SH3PXD2A: variants seen among roughly 807,000 people sequenced by gnomAD.
SH3PXD2A encodes SH3 and PX domains 2A, also known as SH3 and PX domain-containing protein 2A.
A neutral mutation model predicts 115.2 loss-of-function variants in SH3PXD2A; 32 were observed. The observed-to-expected ratio is 0.28, with a 90% CI of 0.21 to 0.37. The LOEUF is 0.37. Among genes scored for constraint, SH3PXD2A ranks in the 10% least tolerant of loss-of-function variants. The pLI is 1.00. For missense variants in SH3PXD2A, 1,328 were observed against 1,498.7 expected, an observed-to-expected ratio of 0.89 and a Z score of 1.88; for synonymous variants, 610 against 629.1, an observed-to-expected ratio of 0.97 and a Z score of 0.45.
chr10:103,780,796 G>A (rs1000296676), intron 2 of SH3PXD2A, among the ~76,000 whole-genome samples: 18 of 152,246 alleles, frequency 1.2e-4, no homozygotes, highest in Non-Finnish European at 4.4e-5. Context: ...TCCAGGCAAG[G>A]AGAGTGCTAA....
At chr10:103,791,505 T>C (rs558049491) in intron 2 of SH3PXD2A, among the ~76,000 whole-genome samples, 169 of 152,326 alleles carry the variant, frequency 1.1e-3, no homozygotes, top group Non-Finnish European at 2.0e-3. Flanking sequence ...GCTCTCTTGA[T>C]GTCCACAGGC....
In SH3PXD2A at chr10:103,832,194, T is replaced by C. The variant is rs369183393; in HGVS notation, c.72+23001A>G. Reference sequence around the variant, plus strand: ...AGGCAGTATGAGCAAGAAATAGAATTTGGGGGCTGTTTGTTCCTGTAACTT... The same window carrying C: ...AGGCAGTATGAGCAAGAAATAGAATCTGGGGGCTGTTTGTTCCTGTAACTT... On this transcript the variant is annotated intron_variant, in intron 1 of 14. Coordinates refer to ENST00000369774, the MANE Select transcript of SH3PXD2A (RefSeq NM_001394015.1). Among the ~76,000 whole-genome samples the C allele has an allele frequency of 2.3e-4, 35 of 151,940 alleles. 1 individual carries two copies. The highest frequency in any genetic ancestry group is 8.0e-4 in the African/African-American group (33 of 41,392).
At position 103,818,069 on chromosome 10, in the gene SH3PXD2A, T is replaced by C. The variant is rs137964536; in HGVS notation, c.73-16707A>G. ...CACTTCAAATGGTTGCATTGTATGA[T>C]ATGAATTCCATTTCAGCAAAGCTAT... is the stretch of plus-strand genomic sequence containing the variant. On this transcript the variant is annotated intron_variant, in intron 1 of 14. Coordinates refer to ENST00000369774, the MANE Select transcript of SH3PXD2A (RefSeq NM_001394015.1). 6.6e-5 allele frequency among the ~76,000 whole-genome samples: 10 copies of C among 152,376 alleles called. No individual in the cohort carries two copies. The East Asian group carries it at 1.3e-3, about 21-fold the overall frequency.
chr10:103,752,603 C>G (rs1254319820), intron 3 of SH3PXD2A, among the ~76,000 whole-genome samples: 1 of 152,172 alleles, frequency 6.6e-6, no homozygotes, highest in Non-Finnish European at 1.5e-5. Flanking sequence ...CAGAGTTCCT[C>G]CCTCACCAAG....
At position 103,603,154 on chromosome 10, in the gene SH3PXD2A, G is replaced by T; in HGVS notation, c.2064C>A (p.Ala688=). ...QAEMGKNHSS[A]SFSSSITINT... ...TGATGGTGATGGATGAGGAAAAGGAGGCTGAGGAGTGGTTCTTCCCCATTT... is the reference window on the plus strand; with the variant it reads ...TGATGGTGATGGATGAGGAAAAGGATGCTGAGGAGTGGTTCTTCCCCATTT... Residue 688 remains alanine (A), a synonymous_variant, in exon 15 of 15, where the codon GCC becomes GCA. Coordinates refer to ENST00000369774, the MANE Select transcript of SH3PXD2A (RefSeq NM_001394015.1). 6.2e-7 allele frequency: 1 copy of T among 1,613,794 alleles called. No homozygotes were observed.
intron 4 of SH3PXD2A, among the ~76,000 whole-genome samples, chr10:103,727,809 G>A (rs1252085891): frequency 6.6e-6 from 1 of 152,216 alleles, no homozygotes; most frequent in Non-Finnish European, 1.5e-5. Context: ...CCGCGTGGAG[G>A]GCTCGTCCTG....
chr10:103,745,440 C>T (rs534289250), intron 3 of SH3PXD2A, among the ~76,000 whole-genome samples: 102 of 152,328 alleles, frequency 6.7e-4, no homozygotes, highest in African/African-American at 2.2e-3. Context: ...ATAACCTATT[C>T]GAATGCTAGT....
intron 6 of SH3PXD2A, among the ~76,000 whole-genome samples, chr10:103,672,758 G>A (rs1272132542): frequency 6.6e-6 from 1 of 152,212 alleles, no homozygotes; most frequent in Non-Finnish European, 1.5e-5. Flanking sequence ...TGGAGGGCTG[G>A]GAATTAGGCC....
chr10:103,778,595 T>C lies in SH3PXD2A; in HGVS notation c.154-11426A>G, dbSNP rs1215801137. Reference sequence around the variant, plus strand: ...GAGTAGAAACAGCGCCCCATGGCACTGTGCGGATGAAATGAGAATACAGGT... The same window carrying C: ...GAGTAGAAACAGCGCCCCATGGCACCGTGCGGATGAAATGAGAATACAGGT... On this transcript the variant is annotated intron_variant, in intron 2 of 14. Coordinates refer to ENST00000369774, the MANE Select transcript of SH3PXD2A (RefSeq NM_001394015.1). 2.0e-5 allele frequency among the ~76,000 whole-genome samples: 3 copies of C among 152,232 alleles called. 1 individual carries two copies. The highest frequency in any genetic ancestry group is 1.3e-4 in the Admixed American group (2 of 15,286).
chr10:103,800,745 C>G (rs1173071001), intron 2 of SH3PXD2A, among the ~76,000 whole-genome samples: 1 of 152,200 alleles, frequency 6.6e-6, no homozygotes, highest in African/African-American at 2.4e-5. Flanking sequence ...TGTGAACATG[C>G]CTTTGTGTCT....
intron 13 of SH3PXD2A, chr10:103,609,658 C>T (rs1294481811): frequency 6.6e-6 from 1 of 152,210 alleles, no homozygotes; most frequent in Non-Finnish European, 1.5e-5. Flanking sequence ...TGGACAACCC[C>T]CTGCCCTTGT....
At chr10:103,702,446 G>A (rs1385944700) in intron 5 of SH3PXD2A, among the ~76,000 whole-genome samples, 1 of 152,206 alleles carries the variant, frequency 6.6e-6, no homozygotes, top group East Asian at 1.9e-4. Flanking sequence ...GGGTGGTCAG[G>A]GAGGGCTATG....
chr10:103,792,912 A>G (rs2039048760), intron 2 of SH3PXD2A, among the ~76,000 whole-genome samples: 1 of 152,170 alleles, frequency 6.6e-6, no homozygotes, highest in East Asian at 1.9e-4. Context: ...AATGATCTAG[A>G]ATGATGGTCC....
intron 10 of SH3PXD2A, among the ~76,000 whole-genome samples, chr10:103,617,685 C>G (rs921102212): frequency 2.0e-5 from 3 of 152,196 alleles, no homozygotes; most frequent in Admixed American, 1.3e-4. Context: ...GAAGCCGGCC[C>G]CTCATGAGGT....
rs1248676872 is a variant in SH3PXD2A at position 103,665,076 on chromosome 10, C to T, written c.472+3532G>A. Among the ~76,000 whole-genome samples the T allele has an allele frequency of 6.6e-6, 1 of 152,150 alleles. No individual in the cohort carries two copies. Among genetic ancestry groups the T allele is most frequent in the Non-Finnish European group, 1.5e-5 (1 of 68,032 alleles). ...AAGTGTGAAATGAACCAGTGAAACG[C>T]GTGAACTGGCAGAAAGATGAACAGA... On this transcript the variant is annotated intron_variant, in intron 7 of 14. Coordinates refer to ENST00000369774, the MANE Select transcript of SH3PXD2A (RefSeq NM_001394015.1). This position sits in a 1 kb window ranked among gnomAD's most constrained non-coding sequence, Gnocchi z 4.0.
rs1180440633 is a variant in SH3PXD2A at position 103,846,158 on chromosome 10, T to TGG, written c.72+9035_72+9036dup. Among the ~76,000 whole-genome samples, 3 of 152,248 alleles carry TGG rather than the reference T, an allele frequency of 2.0e-5. No individual in the cohort carries two copies. In the East Asian group the frequency reaches 5.8e-4, roughly 29 times the overall value. On this transcript the variant is annotated intron_variant, in intron 1 of 14. Coordinates refer to ENST00000369774, the MANE Select transcript of SH3PXD2A (RefSeq NM_001394015.1). The stretch of plus-strand genomic sequence containing the variant: ...CCAGCCATGGGCCTCCGCCCAGGCT[T>TGG]GGGGAGGGTGGCTTCCTCGCCAGCC...
intron 3 of SH3PXD2A, among the ~76,000 whole-genome samples, chr10:103,751,200 A>G (rs1486291259): frequency 1.3e-5 from 2 of 152,244 alleles, no homozygotes; most frequent in African/African-American, 2.4e-5. Flanking sequence ...GAATTCACGC[A>G]TGATCTTATT....
At chr10:103,724,930 G>A (rs1005546742) in intron 4 of SH3PXD2A, among the ~76,000 whole-genome samples, 20 of 152,186 alleles carry the variant, frequency 1.3e-4, no homozygotes, top group Admixed American at 3.3e-4. Flanking sequence ...CCAAGGTCAC[G>A]TCCTCCCAGC....
intron 1 of SH3PXD2A, among the ~76,000 whole-genome samples, chr10:103,829,298 C>A (rs1388531268): frequency 6.6e-6 from 1 of 152,194 alleles, no homozygotes; most frequent in South Asian, 2.1e-4. Context: ...GGGAGGCACG[C>A]AGGCATCCGA....
Sources: gnomAD v4.1 joint callset for allele counts (sites outside exome capture counted in the v4.1 genomes callset) on GRCh38, gnomAD v4.1.1 for gene constraint, Gnocchi (gnomAD v3.1) non-coding constraint, MANE v1.5 for transcripts, NCBI Gene and HGNC (gene_info 2026-07-23, HGNC 2026-07-21) for gene names.